Variants in CPN1 observed in about 807,000 individuals in gnomAD.
The protein encoded by CPN1 is carboxypeptidase N catalytic chain.
CPN1 carries 37 observed loss-of-function variants against 46.4 expected under a neutral mutation model. That is an observed-to-expected ratio of 0.80 (90% CI 0.61 to 1.05). The LOEUF (loss-of-function observed/expected upper bound fraction) is 1.05, where lower values mean the gene tolerates loss of function less well. Among genes scored for constraint, CPN1 ranks in the 50% least tolerant of loss-of-function variants. The probability of loss-of-function intolerance (pLI) is 0.00; values close to 1 mark genes in which losing one functional copy is unlikely to be tolerated. For synonymous variants in CPN1, 224 were observed against 235.4 expected (o/e 0.95, Z 0.44); for missense variants, 563 against 602.6 (o/e 0.93, Z 0.69).
intron 3 of CPN1, among the ~76,000 whole-genome samples, chr10:100,065,588 C>G (rs913100579): frequency 9.2e-5 from 14 of 152,130 alleles, no homozygotes; most frequent in Admixed American, 3.9e-4. Context: ...AAAATGAAAT[C>G]TTATGTGGAA....
At position 100,076,066 on chromosome 10, in the gene CPN1, C is replaced by T. The variant is rs752224544; in HGVS notation, c.265G>A (p.Glu89Lys). 137 of 1,614,112 alleles carry T rather than the reference C, an allele frequency of 8.5e-5. No homozygotes were observed. The Admixed American group carries it at 1.8e-3, about 22-fold the overall frequency. ...VKYVGNMHGN[E>K]ALGRELMLQL... ...AGCATCAGCTCGCGGCCCAACGCTT[C>T]GTTGCCGTGCATGTTCCCCACATAC... The change falls in exon 2 of 9, where the codon GAA becomes AAA. Residue 89 changes from glutamate (E) to lysine (K), a missense_variant. Transcript: ENST00000370418.
intron 7 of CPN1, among the ~76,000 whole-genome samples, chr10:100,049,887 G>C (rs2041339582): frequency 6.6e-6 from 1 of 152,236 alleles, no homozygotes; most frequent in South Asian, 2.1e-4. Flanking sequence ...GGATCACTAG[G>C]AGAGAGGAAA....
At position 100,054,352 on chromosome 10, in the gene CPN1, G is replaced by A; in HGVS notation, c.1106C>T (p.Thr369Ile). ...ISVSGINHDV[T>I]SGDHGDYFRL... is the part of the protein sequence containing the mutation. The stretch of plus-strand genomic sequence containing the variant: ...CCTAAGCAGTGACCACCTACCTGAA[G>A]TGACATCATGGTTAATCCCACTGAC... Residue 369 changes from threonine to isoleucine, a missense_variant, in exon 7 of 9, where the codon ACT becomes ATT. Physicochemically the swap from Thr to Ile is moderately conservative, Grantham distance 89. Transcript: ENST00000370418. The A allele has an allele frequency of 6.2e-7, 1 of 1,613,076 alleles. No individual in the cohort carries two copies. Among genetic ancestry groups the A allele is most frequent in the Non-Finnish European group, 8.5e-7 (1 of 1,179,132 alleles).
chr10:100,049,903 A>G (rs1219795979), intron 7 of CPN1, among the ~76,000 whole-genome samples: 1 of 152,254 alleles, frequency 6.6e-6, no homozygotes, highest in Non-Finnish European at 1.5e-5. Context: ...GGAAAGGTTG[A>G]AAGGTCTGTG....
At chr10:100,048,246 C>T (rs1269392341) in intron 8 of CPN1, among the ~76,000 whole-genome samples, 1 of 152,042 alleles carries the variant, frequency 6.6e-6, no homozygotes, top group Non-Finnish European at 1.5e-5. Flanking sequence ...CTTTAAATCA[C>T]TATGCTATGT....
rs113781751 is a variant in CPN1, at chr10:100,063,202, A to G, written c.871+412T>C. Among the ~76,000 whole-genome samples, 284 of 151,892 alleles carry G rather than the reference A, an allele frequency of 1.9e-3. 2 individuals are homozygous for G. The highest frequency in any genetic ancestry group is 6.6e-3 in the African/African-American group (274 of 41,418). ...GTGATGCGATCATGGCTCACTGCAAACTCTGCCTCCCGGGTTCATGCCATT... is the reference window on the plus strand; with the variant it reads ...GTGATGCGATCATGGCTCACTGCAAGCTCTGCCTCCCGGGTTCATGCCATT... On this transcript the variant is annotated intron_variant, in intron 5 of 8. Coordinates refer to ENST00000370418, the MANE Select transcript of CPN1 (RefSeq NM_001308.3).
intron 6 of CPN1, among the ~76,000 whole-genome samples, chr10:100,055,684 C>G (rs1362910261): frequency 3.3e-5 from 5 of 152,158 alleles, no homozygotes; most frequent in Non-Finnish European, 2.9e-5. Flanking sequence ...GCCACCACAC[C>G]CAGCTAATTT....
intron 8 of CPN1, among the ~76,000 whole-genome samples, chr10:100,047,102 G>T (rs1332661547): frequency 6.6e-6 from 1 of 151,878 alleles, no homozygotes; most frequent in Non-Finnish European, 1.5e-5. Flanking sequence ...TGGACATGGC[G>T]GCATGTGCCT....
rs375887047 is a variant in CPN1, at chr10:100,081,451, G to T, written c.175C>A (p.His59Asn). The T allele has an allele frequency of 7.5e-5, 121 of 1,613,836 alleles. No homozygotes were observed. The highest frequency in any genetic ancestry group is 9.7e-5 in the Non-Finnish European group (114 of 1,180,056). Residue 59 changes from histidine (H) to asparagine (N), a missense_variant, in exon 1 of 9, where the codon CAC becomes AAC. Coordinates refer to ENST00000370418, the MANE Select transcript of CPN1 (RefSeq NM_001308.3). ...YSIGRSVEGRHLYVLEFSDHP... is the reference protein window; with the variant it reads ...YSIGRSVEGRNLYVLEFSDHP... ...TCGCTGAACTCCAGCACGTAGAGGT[G>T]TCTCCCCTCCACGCTGCGCCCAATG...
intron 3 of CPN1, among the ~76,000 whole-genome samples, chr10:100,066,642 G>A (rs1323821718): frequency 2.0e-5 from 3 of 152,218 alleles, no homozygotes. Context: ...TGCAGTGTAA[G>A]TAAATAATTT....
At chr10:100,043,205 G>C (rs1176473027) in intron 8 of CPN1, among the ~76,000 whole-genome samples, 3 of 151,776 alleles carry the variant, frequency 2.0e-5, no homozygotes, top group African/African-American at 7.3e-5. Context: ...AGACCAGCCT[G>C]GCCAACATGG....
At chr10:100,079,785 G>T (rs2041533774) in intron 1 of CPN1, among the ~76,000 whole-genome samples, 1 of 152,194 alleles carries the variant, frequency 6.6e-6, no homozygotes, top group Non-Finnish European at 1.5e-5. Context: ...GAGTGCAGCA[G>T]TTCGAAGTTA....
chr10:100,081,409 C>T lies in CPN1; in HGVS notation c.217G>A (p.Glu73Lys), dbSNP rs1365395803. 2 of 1,612,226 alleles carry T rather than the reference C, an allele frequency of 1.2e-6. No homozygotes were observed. Among genetic ancestry groups the T allele is most frequent in the South Asian group, 2.2e-5 (2 of 90,932 alleles). ...LEFSDHPGIH[E>K]PLEPEVKYVG... The stretch of plus-strand genomic sequence containing the variant: ...AGAGCTGTTCAGAACTTACAGGGCT[C>T]GTGGATTCCAGGGTGGTCGCTGAAC... Residue 73 changes from glutamate to lysine, a missense_variant, in exon 1 of 9, where the codon GAG (glutamate) becomes AAG (lysine). Physicochemically the swap from Glu to Lys is moderately conservative, Grantham distance 56. Transcript: ENST00000370418.
chr10:100,063,112 AT>A (rs1230886705), intron 5 of CPN1, among the ~76,000 whole-genome samples: 1 of 151,594 alleles, frequency 6.6e-6, no homozygotes, highest in Admixed American at 6.6e-5. Flanking sequence ...TACTTTAGTT[AT>A]TTTTTGTTTT....
At position 100,042,455 on chromosome 10, in the gene CPN1, A is replaced by G. The variant is rs752662514; in HGVS notation, c.1349T>C (p.Met450Thr). 1.2e-6 allele frequency: 2 copies of G among 1,613,638 alleles called. No individual in the cohort carries two copies. Among genetic ancestry groups the G allele is most frequent in the Non-Finnish European group, 8.5e-7 (1 of 1,180,000 alleles). ...QPQARKKEME[M>T]RQLQRGPA ...GGCAGGGCCTCTCTGCAGCTGCCTC[A>G]TCTCCATTTCTTTCTTTCTGGCTTG... The change falls in exon 9 of 9, where the codon ATG (methionine) becomes ACG (threonine). Residue 450 changes from methionine to threonine, a missense_variant. Physicochemically the swap from Met to Thr is moderately conservative, Grantham distance 81. Coordinates refer to ENST00000370418, the MANE Select transcript of CPN1 (RefSeq NM_001308.3).
chr10:100,057,730 T>A (rs1167698852), intron 5 of CPN1, among the ~76,000 whole-genome samples: 2 of 152,158 alleles, frequency 1.3e-5, no homozygotes, highest in Non-Finnish European at 2.9e-5. Context: ...GGTGGGCAGA[T>A]GGCAGTGTGT....
intron 5 of CPN1, among the ~76,000 whole-genome samples, chr10:100,062,508 A>G (rs2041425862): frequency 6.6e-6 from 1 of 152,168 alleles, no homozygotes; most frequent in Non-Finnish European, 1.5e-5. Flanking sequence ...AAATACAGTT[A>G]CACCATTTAT....
chr10:100,049,886 G>T (rs183656550), intron 7 of CPN1, among the ~76,000 whole-genome samples: 1 of 152,186 alleles, frequency 6.6e-6, no homozygotes, highest in Admixed American at 6.5e-5. Flanking sequence ...AGGATCACTA[G>T]GAGAGAGGAA....
rs1403432090 is a variant in CPN1 at position 100,065,231 on chromosome 10, C to A, written c.716G>T (p.Arg239Leu). Residue 239 changes from arginine (R) to leucine (L), a missense_variant, in exon 4 of 9, where the codon CGC (arginine) becomes CTC (leucine). Transcript: ENST00000370418. Reference protein sequence around the residue: ...SFEHRVRGVRRTASTPTPDDK... With the variant: ...SFEHRVRGVRLTASTPTPDDK... Reference sequence around the variant, plus strand: ...GTCAGGCGTGGGGGTGCTGGCGGTGCGGCGGACCCCTCGGACCCGGTGCTC... The same window carrying A: ...GTCAGGCGTGGGGGTGCTGGCGGTGAGGCGGACCCCTCGGACCCGGTGCTC... 1 of 1,613,994 alleles carries A rather than the reference C, an allele frequency of 6.2e-7. No individual in the cohort carries two copies. The highest frequency in any genetic ancestry group is 2.2e-5 in the East Asian group (1 of 44,882).
Sources: gnomAD v4.1 joint callset for allele counts (sites outside exome capture counted in the v4.1 genomes callset) on GRCh38, gnomAD v4.1.1 for gene constraint, MANE v1.5 for transcripts, NCBI Gene and HGNC (gene_info 2026-07-23, HGNC 2026-07-21) for gene names.